CCL18: variants seen among roughly 807,000 people sequenced by gnomAD.
The protein encoded by CCL18 is C-C motif chemokine 18.
A neutral mutation model predicts 8.0 loss-of-function variants in CCL18; 7 were observed. The observed-to-expected ratio is 0.87, with a 90% CI of 0.50 to 1.64. The LOEUF (loss-of-function observed/expected upper bound fraction) is 1.64, where lower values mean the gene tolerates loss of function less well. Among genes scored for constraint, CCL18 ranks in the 40% most tolerant of loss-of-function variants. The pLI is 0.00. For missense variants in CCL18, 95 were observed against 107.8 expected, an observed-to-expected ratio of 0.88 and a Z score of 0.52; for synonymous variants, 35 against 41.3, an observed-to-expected ratio of 0.85 and a Z score of 0.59.
intron 2 of CCL18, 81 bp from the exon 3 acceptor site, chr17:36,070,870 C>T: frequency 9.3e-7 from 1 of 1,079,640 alleles, no homozygotes; most frequent in East Asian, 2.4e-5. Context: ...CCTGAGATGC[C>T]TGGGACAGAG....
intron 2 of CCL18, 84 bp from the exon 3 acceptor site, chr17:36,070,867 T>C: frequency 9.7e-7 from 1 of 1,030,766 alleles, no homozygotes; most frequent in East Asian, 2.4e-5. Context: ...GGCCCTGAGA[T>C]GCCTGGGACA....
At chr17:36,070,380 G>A (rs2066858938) in intron 1 of CCL18, 67 bp from the exon 2 acceptor site, 1 of 927,698 alleles carries the variant, frequency 1.1e-6, no homozygotes, top group African/African-American at 1.6e-5. Flanking sequence ...CTCAAGGAAA[G>A]GGACCAGGAG....
At chr17:36,070,822 C>A in intron 2 of CCL18, 129 bp from the exon 3 acceptor site, 1 of 776,726 alleles carries the variant, frequency 1.3e-6, no homozygotes, top group Non-Finnish European at 2.3e-6. Context: ...CTGTGAACCC[C>A]GAAGTTAAGG....
intron 1 of CCL18, among the ~76,000 whole-genome samples, chr17:36,067,880 G>A (rs545064015): frequency 3.2e-4 from 48 of 152,098 alleles, no homozygotes; most frequent in African/African-American, 1.0e-3. Context: ...ATTATACAGT[G>A]GTGGTCCCAT....
At position 36,070,692 on chromosome 17, in the gene CCL18, G is replaced by C. The variant is rs535474441; in HGVS notation, c.179+134G>C. Reference sequence around the variant, plus strand: ...AGGGGAGGCCCCTGCAGTGTTTTGTGACCTGGCCTGGGGCCTGCAGAGTCC... The same window carrying C: ...AGGGGAGGCCCCTGCAGTGTTTTGTCACCTGGCCTGGGGCCTGCAGAGTCC... On this transcript the variant is annotated intron_variant, in intron 2 of 2. Coordinates refer to ENST00000616054, the MANE Select transcript of CCL18 (RefSeq NM_002988.4). The C allele has an allele frequency of 4.5e-6, 3 of 660,106 alleles. No homozygotes were observed. In the African/African-American group the frequency reaches 5.4e-5, roughly 12 times the overall value. The allele number at this position is 660,106 out of a possible 1,614,324, so 40.9% of individuals were successfully genotyped here.
chr17:36,066,433 G>A (rs1050852281), intron 1 of CCL18, among the ~76,000 whole-genome samples: 1 of 152,162 alleles, frequency 6.6e-6, no homozygotes, highest in Non-Finnish European at 1.5e-5. Flanking sequence ...TCGTTCTGGG[G>A]TCCAAGCCAT....
At chr17:36,066,932 G>C (rs2066840698) in intron 1 of CCL18, among the ~76,000 whole-genome samples, 1 of 152,212 alleles carries the variant, frequency 6.6e-6, no homozygotes, top group Admixed American at 6.5e-5. Context: ...AGCTTAGCTG[G>C]TACCTTCTAT....
At position 36,066,417 on chromosome 17, in the gene CCL18, C is replaced by T. The variant is rs547925046; in HGVS notation, c.67+2008C>T. On this transcript the variant is annotated intron_variant, in intron 1 of 2. Coordinates refer to ENST00000616054, the MANE Select transcript of CCL18 (RefSeq NM_002988.4). ...AAACAGGACTGGGCACTCACTGCCA[C>T]CTACATCGTTCTGGGGTCCAAGCCA... 9.9e-5 allele frequency among the ~76,000 whole-genome samples: 15 copies of T among 152,260 alleles called. 1 individual carries two copies. In the East Asian group the frequency reaches 2.9e-3, roughly 29 times the overall value.
intron 1 of CCL18, among the ~76,000 whole-genome samples, chr17:36,069,952 T>C (rs1427920190): frequency 6.6e-6 from 1 of 152,198 alleles, no homozygotes; most frequent in Non-Finnish European, 1.5e-5. Flanking sequence ...TCAGGGACTA[T>C]TTCCCGAGGA....
Position 36,064,305 on chromosome 17 carries a change from C to T in CCL18, c.-38C>T. 6.3e-7 allele frequency: 1 copy of T among 1,576,246 alleles called. No homozygotes were observed. The highest frequency in any genetic ancestry group is 1.1e-5 in the South Asian group (1 of 90,306). ...GCCAGGAGTTGTGAGTTTCCAAGCCCCAGCTCACTCTGACCACTTCTCTGC... is the reference window on the plus strand; with the variant it reads ...GCCAGGAGTTGTGAGTTTCCAAGCCTCAGCTCACTCTGACCACTTCTCTGC... On this transcript the variant is annotated 5_prime_UTR_variant, in exon 1 of 3. Transcript: ENST00000616054.
chr17:36,065,377 TCTTCATTTTAC>T lies in CCL18; in HGVS notation c.67+985_67+995del, dbSNP rs769225186. On this transcript the variant is annotated intron_variant, in intron 1 of 2. Coordinates refer to ENST00000616054, the MANE Select transcript of CCL18 (RefSeq NM_002988.4). ...TCCATTTTTTGCTTGCTTGGAAATG[TCTTCATTTTAC>T]CTTCATTTTACCTTCACACTGGATA... Among the ~76,000 whole-genome samples, 11 of 152,198 alleles carry T rather than the reference TCTTCATTTTAC, an allele frequency of 7.2e-5. No individual in the cohort carries two copies. In the East Asian group the frequency reaches 7.7e-4, roughly 11 times the overall value.
intron 1 of CCL18, among the ~76,000 whole-genome samples, chr17:36,065,058 G>A (rs1412326836): frequency 2.6e-5 from 4 of 152,168 alleles, no homozygotes; most frequent in Non-Finnish European, 5.9e-5. Context: ...TGTTCCCTCA[G>A]ATAAGATTCA....
intron 1 of CCL18, among the ~76,000 whole-genome samples, chr17:36,068,158 A>G (rs2045659042): frequency 6.6e-6 from 1 of 152,232 alleles, no homozygotes; most frequent in African/African-American, 2.4e-5. Context: ...TCATTAAGTG[A>G]TGCATGGCTG....
intron 1 of CCL18, among the ~76,000 whole-genome samples, chr17:36,064,830 GA>G (rs1413878576): frequency 6.6e-6 from 1 of 152,202 alleles, no homozygotes; most frequent in East Asian, 1.9e-4. Flanking sequence ...GGAGAGTTAG[GA>G]GAAGGGCATA....
chr17:36,071,045 G>T lies in CCL18; in HGVS notation c.*4G>T, dbSNP rs774796470. ...CGACCTGAAGCTGAATGCCTGAGGG[G>T]CCTGGAAGCTGCGAGGGCCCAGTGA... On this transcript the variant is annotated 3_prime_UTR_variant, in exon 3 of 3. Transcript: ENST00000616054. 3.1e-6 allele frequency: 5 copies of T among 1,608,114 alleles called. No individual in the cohort carries two copies. In the Admixed American group the frequency reaches 8.3e-5, roughly 27 times the overall value.
intron 1 of CCL18, among the ~76,000 whole-genome samples, chr17:36,067,012 T>TG (rs2066841159): frequency 1.3e-5 from 2 of 152,216 alleles, no homozygotes; most frequent in African/African-American, 2.4e-5. Context: ...TCTAGTGTTG[T>TG]GTTTCCATTG....
chr17:36,064,278 A>G lies in CCL18; in HGVS notation c.-65A>G, dbSNP rs2066825280. 2 of 1,199,454 alleles carry G rather than the reference A, an allele frequency of 1.7e-6. No individual in the cohort carries two copies. Among genetic ancestry groups the G allele is most frequent in the Admixed American group, 1.7e-5 (1 of 59,406 alleles). 74.3% of individuals were successfully genotyped at this position (1,199,454 alleles called of 1,614,324 possible). ...AGACAACAGCTCATACCCCAGAAGG[A>G]GGCCAGGAGTTGTGAGTTTCCAAGC... On this transcript the variant is annotated 5_prime_UTR_variant, in exon 1 of 3. Coordinates refer to ENST00000616054, the MANE Select transcript of CCL18 (RefSeq NM_002988.4).
At chr17:36,069,496 G>A (rs1218155725) in intron 1 of CCL18, among the ~76,000 whole-genome samples, 1 of 152,020 alleles carries the variant, frequency 6.6e-6, no homozygotes, top group East Asian at 1.9e-4. Context: ...TTAATATCTG[G>A]GTGATGAAAT....
At chr17:36,069,561 A>G (rs1172952361) in intron 1 of CCL18, among the ~76,000 whole-genome samples, 1 of 152,216 alleles carries the variant, frequency 6.6e-6, no homozygotes, top group Non-Finnish European at 1.5e-5. Context: ...AAGTCTGCAC[A>G]TGTACCCCGA....
Sources: gnomAD v4.1 joint callset for allele counts (sites outside exome capture counted in the v4.1 genomes callset) on GRCh38, gnomAD v4.1.1 for gene constraint, MANE v1.5 for transcripts, NCBI Gene and HGNC (gene_info 2026-07-23, HGNC 2026-07-21) for gene names.